CSMD1: variants seen among roughly 807,000 people sequenced by gnomAD.
CSMD1 encodes the protein CUB and Sushi multiple domains 1.
CSMD1 carries 213 observed loss-of-function variants against 417.5 expected under a neutral mutation model. The ratio of observed to expected loss-of-function variants is 0.51; its 90% CI spans 0.46 to 0.57. CSMD1 has a LOEUF of 0.57. CSMD1 is among the 20% of genes least tolerant of loss of function. The pLI is 0.00. For missense variants in CSMD1, 6,923 were observed against 4,529.7 expected, an observed-to-expected ratio of 1.53 and a Z score of -15.17; for synonymous variants, 2,862 against 1,736.8, an observed-to-expected ratio of 1.65 and a Z score of -16.11.
At chr8:3,394,788 T>G (rs1172438602) in intron 17 of CSMD1, among the ~76,000 whole-genome samples, 1 of 152,176 alleles carries the variant, frequency 6.6e-6, no homozygotes, top group Non-Finnish European at 1.5e-5. Context: ...TCCTGGTTCT[T>G]AAATTTTACT....
intron 3 of CSMD1, among the ~76,000 whole-genome samples, chr8:4,080,802 G>C (rs1039712988): frequency 3.9e-5 from 6 of 152,104 alleles, no homozygotes; most frequent in African/African-American, 9.7e-5. Context: ...CTAAGTATTT[G>C]ATCAGATAGC....
At chr8:4,398,626 A>AC (rs568912251) in intron 3 of CSMD1, among the ~76,000 whole-genome samples, 9 of 151,754 alleles carry the variant, frequency 5.9e-5, no homozygotes, top group Admixed American at 2.0e-4. Flanking sequence ...CGATCTCCTG[A>AC]CCTCCTGATC....
intron 7 of CSMD1, among the ~76,000 whole-genome samples, chr8:3,679,187 T>A (rs913682705): frequency 6.6e-6 from 1 of 151,974 alleles, no homozygotes; most frequent in African/African-American, 2.4e-5. Flanking sequence ...CATAACAATA[T>A]TAACCTTAAA....
chr8:3,890,508 T>C (rs1446771566), intron 5 of CSMD1, among the ~76,000 whole-genome samples: 1 of 151,618 alleles, frequency 6.6e-6, no homozygotes, highest in East Asian at 1.9e-4. Flanking sequence ...TGAGGCACAC[T>C]TGCAGGACTC....
At chr8:4,234,625 C>G (rs77109646) in intron 3 of CSMD1, among the ~76,000 whole-genome samples, 2,381 of 152,202 alleles carry the variant, frequency 0.016, 73 homozygotes, top group African/African-American at 0.055. Flanking sequence ...CCATTTTATT[C>G]TAGGACATGG....
chr8:4,044,769 C>T (rs1798064494), intron 3 of CSMD1, among the ~76,000 whole-genome samples: 1 of 152,204 alleles, frequency 6.6e-6, no homozygotes, highest in African/African-American at 2.4e-5. Flanking sequence ...CACATAGCAC[C>T]CTAGCCGTGT....
intron 12 of CSMD1, among the ~76,000 whole-genome samples, chr8:3,438,269 T>A (rs1585164648): frequency 2.0e-5 from 3 of 152,212 alleles, no homozygotes; most frequent in Non-Finnish European, 4.4e-5. Context: ...AGATCTTGTG[T>A]AACCTTCGTG....
rs1563277700 is a variant in CSMD1, at chr8:4,549,895, T to TAAAAAAA, written c.302+87446_302+87447insTTTTTTT. 3.4e-3 allele frequency among the ~76,000 whole-genome samples: 221 copies of TAAAAAAA among 65,742 alleles called. 2 individuals carry two copies. Among genetic ancestry groups the TAAAAAAA allele is most frequent in the Middle Eastern group, 0.01 (1 of 100 alleles). 43.1% of individuals were successfully genotyped at this position (65,742 alleles called of 152,430 possible). A position where few individuals can be genotyped will look rare whatever the true frequency, so the allele number is the denominator to read the frequency against. Reference sequence around the variant, plus strand: ...CAGAGTGACAATCTAAGACTTTGTCTCAAAAAAAAAAAAAAAAAAAAAAAA... The same window carrying TAAAAAAA: ...CAGAGTGACAATCTAAGACTTTGTCTAAAAAAACAAAAAAAAAAAAAAAAAAAAAAAA... On this transcript the variant is annotated intron_variant, in intron 2 of 69. Coordinates refer to ENST00000635120, the MANE Select transcript of CSMD1 (RefSeq NM_033225.6).
intron 10 of CSMD1, among the ~76,000 whole-genome samples, chr8:3,547,823 T>C (rs1022360005): frequency 1.3e-5 from 2 of 152,200 alleles, no homozygotes; most frequent in South Asian, 2.1e-4. Context: ...ATTAAAGACA[T>C]GCAAACAAAG....
rs566463477 is a variant in CSMD1 at position 4,307,250 on chromosome 8, T to TA, written c.415+112702dup. Among the ~76,000 whole-genome samples the TA allele has an allele frequency of 4.2e-3, 640 of 152,294 alleles. 5 individuals are homozygous for TA. Among genetic ancestry groups the TA allele is most frequent in the East Asian group, 7.7e-3 (40 of 5,182 alleles). ...GCTCATTTGTGAGTCTAACATATGC[T>TA]AATCATGCACAGAGGGCTGTTGATA... On this transcript the variant is annotated intron_variant, in intron 3 of 69. Coordinates refer to ENST00000635120, the MANE Select transcript of CSMD1 (RefSeq NM_033225.6).
intron 47 of CSMD1, among the ~76,000 whole-genome samples, chr8:3,092,423 T>G (rs550841216): frequency 1.3e-5 from 2 of 152,280 alleles, no homozygotes; most frequent in Non-Finnish European, 2.9e-5. Flanking sequence ...CAAATAATTA[T>G]AAAACATGCA....
chr8:3,912,898 T>C (rs1053116079), intron 5 of CSMD1, among the ~76,000 whole-genome samples: 2 of 152,164 alleles, frequency 1.3e-5, no homozygotes, highest in Non-Finnish European at 2.9e-5. Context: ...TGAAGATCAA[T>C]TAATCAGCAG....
chr8:4,263,900 A>G (rs1804056944), intron 3 of CSMD1, among the ~76,000 whole-genome samples: 1 of 152,198 alleles, frequency 6.6e-6, no homozygotes, highest in South Asian at 2.1e-4. Context: ...TATAGACACA[A>G]TAGTCCTGCA....
intron 49 of CSMD1, among the ~76,000 whole-genome samples, chr8:3,080,086 T>C (rs890416161): frequency 1.3e-5 from 2 of 152,148 alleles, no homozygotes; most frequent in African/African-American, 2.4e-5. Flanking sequence ...AAATAAACAA[T>C]AGACAAACTC....
intron 3 of CSMD1, among the ~76,000 whole-genome samples, chr8:4,329,129 A>C (rs945624944): frequency 3.3e-5 from 5 of 152,192 alleles, no homozygotes; most frequent in Non-Finnish European, 7.3e-5. Context: ...ATGGCTTCCA[A>C]ACGTGTGTTA....
At chr8:4,125,136 G>T (rs977556525) in intron 3 of CSMD1, among the ~76,000 whole-genome samples, 2 of 151,478 alleles carry the variant, frequency 1.3e-5, no homozygotes, top group African/African-American at 4.9e-5. Flanking sequence ...AAAAACCTTT[G>T]ATCAGGAGAA....
intron 32 of CSMD1, among the ~76,000 whole-genome samples, chr8:3,200,910 C>G (rs180850956): frequency 2.0e-5 from 3 of 152,262 alleles, no homozygotes; most frequent in South Asian, 4.1e-4. Context: ...CAGTACCAAA[C>G]TGATTTAGTA....
At chr8:3,445,830 A>G (rs1815268442) in intron 12 of CSMD1, among the ~76,000 whole-genome samples, 1 of 152,226 alleles carries the variant, frequency 6.6e-6, no homozygotes, top group African/African-American at 2.4e-5. Flanking sequence ...CTGAGGGATT[A>G]TATCCTTGAA....
chr8:3,168,249 G>T (rs191124956), intron 37 of CSMD1, among the ~76,000 whole-genome samples: 1 of 152,098 alleles, frequency 6.6e-6, no homozygotes, highest in African/African-American at 2.4e-5. Context: ...TATGTGGAAC[G>T]TAAGTGGTTA....
Sources: allele counts gnomAD v4.1 joint callset (sites outside exome capture counted in the v4.1 genomes callset), GRCh38; gene constraint gnomAD v4.1.1; transcripts MANE v1.5; gene names NCBI Gene and HGNC (gene_info 2026-07-23, HGNC 2026-07-21).